Variants in WIPF1 observed in about 807,000 individuals in gnomAD.
The protein encoded by WIPF1 is WAS/WASL-interacting protein family member 1.
Under a neutral mutation model 35.4 loss-of-function variants are expected in WIPF1, and 13 were observed. The observed-to-expected ratio is 0.37, with a 90% confidence interval of 0.24 to 0.58. WIPF1 has a LOEUF of 0.58. WIPF1 is among the 20% of genes least tolerant of loss of function. WIPF1 has a pLI of 0.74. For synonymous variants in WIPF1, 267 were observed against 266.3 expected (o/e 1.00, Z -0.02); for missense variants, 591 against 667.0 (o/e 0.89, Z 1.25).
rs577852991 is a variant in WIPF1 at position 174,567,976 on chromosome 2, A to G, written c.1227T>C (p.Ser409=). ...GGGGAGGCCTGGGTCCACTCCTGGG[A>G]CTGTCTACTCCACTCCTGGATGGCA... is the stretch of plus-strand genomic sequence containing the variant. ...PQLPSRSGVD[S]PRSGPRPPLP... Residue 409 remains serine, a synonymous_variant, in exon 6 of 8, where the codon AGT becomes AGC. Coordinates refer to ENST00000679041, the MANE Select transcript of WIPF1 (RefSeq NM_001375834.1). 336 of 1,614,080 alleles carry G rather than the reference A, an allele frequency of 2.1e-4. 6 individuals are homozygous for G. In the South Asian group the frequency reaches 3.5e-3, roughly 17 times the overall value.
intron 1 of WIPF1, among the ~76,000 whole-genome samples, chr2:174,656,668 G>A (rs1449392345): frequency 6.6e-6 from 1 of 152,190 alleles, no homozygotes; most frequent in African/African-American, 2.4e-5. Flanking sequence ...AATGGAAACT[G>A]CTTAGAATCC....
chr2:174,649,816 A>G (rs1687495690), intron 1 of WIPF1, among the ~76,000 whole-genome samples: 1 of 152,206 alleles, frequency 6.6e-6, no homozygotes, highest in East Asian at 1.9e-4. Flanking sequence ...AGGAAATAGT[A>G]ATCAAGAATA....
chr2:174,612,392 T>C (rs1158765216), intron 1 of WIPF1, among the ~76,000 whole-genome samples: 1 of 152,226 alleles, frequency 6.6e-6, no homozygotes, highest in Non-Finnish European at 1.5e-5. Flanking sequence ...TAGTTGCATA[T>C]CTCATTTTCT....
intron 2 of WIPF1, among the ~76,000 whole-genome samples, chr2:174,582,316 A>C (rs1239627945): frequency 6.6e-6 from 1 of 152,194 alleles, no homozygotes; most frequent in Non-Finnish European, 1.5e-5. Context: ...ACACTAAGAG[A>C]CCAGCAAATG....
intron 1 of WIPF1, among the ~76,000 whole-genome samples, chr2:174,679,963 C>T (rs537108991): frequency 1.3e-5 from 2 of 152,314 alleles, no homozygotes; most frequent in East Asian, 3.9e-4. Context: ...TGTGAATGTG[C>T]TGATTAATCT....
intron 1 of WIPF1, among the ~76,000 whole-genome samples, chr2:174,639,740 C>T (rs1396866247): frequency 8.5e-5 from 13 of 152,122 alleles, no homozygotes; most frequent in Admixed American, 8.5e-4. Context: ...TCTATTTTGG[C>T]TTTGTTGCCT....
At chr2:174,665,891 C>T (rs1687880815) in intron 1 of WIPF1, among the ~76,000 whole-genome samples, 1 of 152,212 alleles carries the variant, frequency 6.6e-6, no homozygotes, top group Non-Finnish European at 1.5e-5. Flanking sequence ...GTCTGTCATT[C>T]AAGTGGAGGA....
At chr2:174,576,562 C>A (rs1685070245) in intron 3 of WIPF1, among the ~76,000 whole-genome samples, 1 of 152,086 alleles carries the variant, frequency 6.6e-6, no homozygotes, top group Admixed American at 6.5e-5. Flanking sequence ...ACATTCTTTG[C>A]AATTTGAGAG....
rs188733304 is a variant in WIPF1, at chr2:174,660,011, C to G, written c.-39+22763G>C. Among the ~76,000 whole-genome samples the G allele has an allele frequency of 3.9e-5, 6 of 152,260 alleles. No individual in the cohort carries two copies. The East Asian group carries it at 1.2e-3, about 29-fold the overall frequency. The stretch of plus-strand genomic sequence containing the variant: ...ACCTGGATGTGGATGGTAATTTATA[C>G]AGTACTCTTTGTGCTTTTCTGGGAG... On this transcript the variant is annotated intron_variant, in intron 1 of 8. Coordinates refer to the WIPF1 transcript ENST00000272746.
At chr2:174,572,577 T>C (rs767247384) in intron 4 of WIPF1, 131 bp from the exon 5 acceptor site, 25 of 1,275,884 alleles carry the variant, frequency 2.0e-5, no homozygotes, top group Admixed American at 2.8e-5. Context: ...CTATTATTTA[T>C]ATAAATTGGG....
At chr2:174,680,386 T>C (rs1008047248) in intron 1 of WIPF1, among the ~76,000 whole-genome samples, 3 of 152,224 alleles carry the variant, frequency 2.0e-5, no homozygotes, top group Non-Finnish European at 4.4e-5. Context: ...AATTGTGGCT[T>C]GCTGGGAAAC....
intron 1 of WIPF1, among the ~76,000 whole-genome samples, chr2:174,653,493 T>C (rs1574861952): frequency 6.6e-6 from 1 of 151,972 alleles, no homozygotes; most frequent in South Asian, 2.1e-4. Context: ...CCCAGCACTT[T>C]GGCAGGCCGA....
intron 1 of WIPF1, among the ~76,000 whole-genome samples, chr2:174,604,931 A>C (rs1387133436): frequency 6.6e-6 from 1 of 152,216 alleles, no homozygotes; most frequent in Non-Finnish European, 1.5e-5. Flanking sequence ...CCCTGGCTGC[A>C]GTGACTGGTT....
chr2:174,579,018 C>A (rs1559149851), intron 3 of WIPF1, among the ~76,000 whole-genome samples: 1 of 151,930 alleles, frequency 6.6e-6, no homozygotes, highest in Non-Finnish European at 1.5e-5. Flanking sequence ...CATTACTGTT[C>A]TTTTTTTTGT....
chr2:174,681,241 T>C (rs1688238446), intron 1 of WIPF1, among the ~76,000 whole-genome samples: 1 of 152,166 alleles, frequency 6.6e-6, no homozygotes, highest in Non-Finnish European at 1.5e-5. Context: ...GTCTGAACAT[T>C]TCCATTCAAC....
At chr2:174,615,135 A>G (rs1033409937) in intron 1 of WIPF1, among the ~76,000 whole-genome samples, 2 of 152,212 alleles carry the variant, frequency 1.3e-5, no homozygotes, top group Non-Finnish European at 2.9e-5. Context: ...CCAAACCATA[A>G]TAAAGACAGT....
rs150911269 is a variant in WIPF1, at chr2:174,572,007, T to C, written c.798A>G (p.Pro266=). 3.0e-5 allele frequency: 47 copies of C among 1,543,596 alleles called. No homozygotes were observed. In the African/African-American group the frequency reaches 5.7e-4, roughly 19 times the overall value. The stretch of plus-strand genomic sequence containing the variant: ...GCCTGTTGCCCACTGGAGGAGGTGG[T>C]GGAGGGGGTTTGTCATCCAAGGCCC... ...PSRALDDKPP[P]PPPPVGNRPS... The change falls in exon 5 of 8, where the codon CCA becomes CCG. Residue 266 remains proline, a synonymous_variant. Transcript: ENST00000679041.
rs10587549 is a variant in WIPF1, at chr2:174,564,815, GCACACACACA to G, written c.1457-2223_1457-2214del. 6.0e-4 allele frequency among the ~76,000 whole-genome samples: 86 copies of G among 143,510 alleles called. 1 individual carries two copies. Among genetic ancestry groups the G allele is most frequent in the African/African-American group, 1.9e-3 (74 of 38,620 alleles). The allele number at this position is 143,510 out of a possible 152,430, so 94.1% of individuals were successfully genotyped here. A position where few individuals can be genotyped will look rare whatever the true frequency, so the allele number is the denominator to read the frequency against. On this transcript the variant is annotated intron_variant, in intron 7 of 7. Coordinates refer to ENST00000679041, the MANE Select transcript of WIPF1 (RefSeq NM_001375834.1). ...ATCAAACAGAAGCCCTTCTTCTGGT[GCACACACACA>G]CACACACACACACACACACACACAC...
intron 1 of WIPF1, among the ~76,000 whole-genome samples, chr2:174,639,499 TC>T (rs1265228957): frequency 6.6e-6 from 1 of 152,126 alleles, no homozygotes; most frequent in Non-Finnish European, 1.5e-5. Flanking sequence ...TCCCATCTCA[TC>T]CTCCCAAAGT....
Sources: gnomAD v4.1 joint callset for allele counts (sites outside exome capture counted in the v4.1 genomes callset) on GRCh38, gnomAD v4.1.1 for gene constraint, MANE v1.5 for transcripts, NCBI Gene and HGNC (gene_info 2026-07-23, HGNC 2026-07-21) for gene names.